Variants in FARP1 observed in about 807,000 individuals in gnomAD.
The protein encoded by FARP1 is FERM, ARH/RhoGEF and pleckstrin domain protein 1, also known as FERM, ARHGEF and pleckstrin domain-containing protein 1.
Under a neutral mutation model 128.8 loss-of-function variants are expected in FARP1, and 52 were observed. That is an observed-to-expected ratio of 0.40 (90% CI 0.32 to 0.51). The LOEUF (loss-of-function observed/expected upper bound fraction) is 0.51. FARP1 is among the 20% of genes least tolerant of loss of function. The probability of loss-of-function intolerance (pLI) is 0.45; values close to 1 mark genes in which losing one functional copy is unlikely to be tolerated. For missense variants in FARP1, 1,333 were observed against 1,367.9 expected, an observed-to-expected ratio of 0.97 and a Z score of 0.40; for synonymous variants, 580 against 551.8, an observed-to-expected ratio of 1.05 and a Z score of -0.72.
At chr13:98,394,005 G>A (rs751323510) in intron 12 of FARP1, among the ~76,000 whole-genome samples, 1 of 152,200 alleles carries the variant, frequency 6.6e-6, no homozygotes, top group African/African-American at 2.4e-5. Context: ...AACCATCGCG[G>A]CAGTGGGCAG....
chr13:98,380,201 C>T (rs937375435), intron 6 of FARP1, among the ~76,000 whole-genome samples: 22 of 152,048 alleles, frequency 1.4e-4, no homozygotes, highest in African/African-American at 5.1e-4. Flanking sequence ...AATCCCAGCA[C>T]TTTGGGAGGC....
At chr13:98,349,724 A>G (rs1472370169) in intron 3 of FARP1, among the ~76,000 whole-genome samples, 1 of 150,624 alleles carries the variant, frequency 6.6e-6, no homozygotes. Flanking sequence ...CTGGCCTGAT[A>G]AAATCAATTC....
rs140045465 is a variant in FARP1 at position 98,435,676 on chromosome 13, T to G, written c.2244T>G (p.Ile748Met). 515 of 1,614,172 alleles carry G rather than the reference T, an allele frequency of 3.2e-4. 1 individual carries two copies. The highest frequency in any genetic ancestry group is 1.5e-3 in the Middle Eastern group (9 of 6,062). ...QKLHELKKDL[I>M]GIDNLVVPGR... ...TGCACGAACTCAAGAAAGATTTGAT[T>G]GGCATTGACAATCTTGTGGTTCCGG... Residue 748 changes from isoleucine to methionine, a missense_variant, in exon 19 of 27, where the codon ATT becomes ATG. Coordinates refer to ENST00000319562, the MANE Select transcript of FARP1 (RefSeq NM_005766.4).
At chr13:98,444,525 G>C (rs1362242793) in intron 24 of FARP1, among the ~76,000 whole-genome samples, 1 of 152,200 alleles carries the variant, frequency 6.6e-6, no homozygotes, top group South Asian at 2.1e-4. Flanking sequence ...CTGAGTGCAG[G>C]GCAGGAGACT....
chr13:98,444,057 T>C (rs1185397644), intron 24 of FARP1, among the ~76,000 whole-genome samples: 1 of 151,538 alleles, frequency 6.6e-6, no homozygotes, highest in Admixed American at 6.6e-5. Flanking sequence ...TGGGAGGCCT[T>C]GAGGGAAAAT....
At chr13:98,437,748 TTC>T (rs1892336925) in intron 19 of FARP1, 1 of 1,276,594 alleles carries the variant, frequency 7.8e-7, no homozygotes, top group African/African-American at 1.5e-5. Context: ...TCTTTTTGCT[TTC>T]TCTCGGTCCC....
intron 11 of FARP1, among the ~76,000 whole-genome samples, chr13:98,392,752 A>G (rs546849801): frequency 6.6e-6 from 1 of 151,748 alleles, no homozygotes; most frequent in African/African-American, 2.4e-5. Context: ...CCATCCCTGC[A>G]TCTTCCTTCT....
At chr13:98,188,108 A>G (rs901965808) in intron 1 of FARP1, among the ~76,000 whole-genome samples, 3 of 152,238 alleles carry the variant, frequency 2.0e-5, no homozygotes, top group African/African-American at 4.8e-5. Flanking sequence ...CTGCTTGAAC[A>G]TGGCTGCCGC....
At chr13:98,205,381 T>A (rs184325532) in intron 1 of FARP1, among the ~76,000 whole-genome samples, 9 of 152,228 alleles carry the variant, frequency 5.9e-5, no homozygotes, top group Admixed American at 1.3e-4. Flanking sequence ...CTCTCTGTCT[T>A]CCATATCTAT....
intron 25 of FARP1, 83 bp from the exon 26 acceptor site, chr13:98,446,583 C>A: frequency 6.9e-7 from 1 of 1,451,166 alleles, no homozygotes; most frequent in South Asian, 1.2e-5. Flanking sequence ...GCTCCCAAGT[C>A]CCTGTCTGAT....
chr13:98,175,716 T>C (rs1158404049), intron 1 of FARP1: 1 of 164,038 alleles, frequency 6.1e-6, no homozygotes, highest in Non-Finnish European at 1.3e-5. Context: ...ACAACCACCA[T>C]TCGACTTTTT....
chr13:98,395,558 T>G, intron 13 of FARP1, 82 bp downstream of exon 13: 1 of 1,461,700 alleles, frequency 6.8e-7, no homozygotes, highest in Non-Finnish European at 9.2e-7. Context: ...GAATACGACC[T>G]TCTTAGAGAA....
rs1203591196 is a variant in FARP1, at chr13:98,445,707, CT to C, written c.2797-390del. ...GTGTCACAGGGCACACCCCTCTCCC[CT>C]CAAGGTGGCTCTTCTCCTCAGGACA... On this transcript the variant is annotated intron_variant, in intron 24 of 26. Transcript: ENST00000319562. The C allele has an allele frequency of 5.3e-4, 84 of 159,126 alleles. 2 individuals carry two copies. In the East Asian group the frequency reaches 0.015, roughly 29 times the overall value. 9.9% of individuals were successfully genotyped at this position (159,126 alleles called of 1,614,324 possible). A position where few individuals can be genotyped will look rare whatever the true frequency, so the allele number is the denominator to read the frequency against.
At chr13:98,415,551 A>G (rs9584842) in intron 16 of FARP1, among the ~76,000 whole-genome samples, 22,780 of 152,242 alleles carry the variant, frequency 0.15, 2,623 homozygotes, top group East Asian at 0.31. Flanking sequence ...GGGCACAGAG[A>G]GCCGTGTCCT....
chr13:98,185,298 C>T (rs150880063), intron 1 of FARP1, among the ~76,000 whole-genome samples: 518 of 152,108 alleles, frequency 3.4e-3, no homozygotes, highest in Middle Eastern at 6.8e-3. Context: ...AGCAGTATAC[C>T]GCTGGAAAGA....
At chr13:98,177,091 C>T (rs1346036838) in intron 1 of FARP1, 3 of 1,599,292 alleles carry the variant, frequency 1.9e-6, no homozygotes, top group Admixed American at 3.3e-5. Flanking sequence ...CTCGTCCCCG[C>T]TGCTGCTGCT....
In FARP1 at chr13:98,443,403, G is replaced by A. The variant is rs180721024; in HGVS notation, c.2796+2567G>A. On this transcript the variant is annotated intron_variant, in intron 24 of 26. Coordinates refer to ENST00000319562, the MANE Select transcript of FARP1 (RefSeq NM_005766.4). ...AGGCACGTGGCATCAATCTTGTGTCGGTGGCAGGCAGCCCTCATGTGCCAG... is the reference window on the plus strand; with the variant it reads ...AGGCACGTGGCATCAATCTTGTGTCAGTGGCAGGCAGCCCTCATGTGCCAG... Among the ~76,000 whole-genome samples, 111 of 152,292 alleles carry A rather than the reference G, an allele frequency of 7.3e-4. 1 individual carries two copies. Among genetic ancestry groups the A allele is most frequent in the Non-Finnish European group, 1.5e-4 (10 of 68,030 alleles).
chr13:98,335,951 C>A (rs1887723270), intron 2 of FARP1, among the ~76,000 whole-genome samples: 1 of 152,166 alleles, frequency 6.6e-6, no homozygotes, highest in Non-Finnish European at 1.5e-5. Flanking sequence ...AAATGAAACA[C>A]TTCCCAAAAC....
intron 24 of FARP1, among the ~76,000 whole-genome samples, chr13:98,444,130 C>T (rs1892672938): frequency 6.6e-6 from 1 of 151,934 alleles, no homozygotes; most frequent in Non-Finnish European, 1.5e-5. Flanking sequence ...CCCGACTCCA[C>T]CCATGTTGCA....
Sources: gnomAD v4.1 joint callset for allele counts (sites outside exome capture counted in the v4.1 genomes callset) on GRCh38, gnomAD v4.1.1 for gene constraint, MANE v1.5 for transcripts, NCBI Gene and HGNC (gene_info 2026-07-23, HGNC 2026-07-21) for gene names.